PCDHA8: variants seen among roughly 807,000 people sequenced by gnomAD.
The protein encoded by PCDHA8 is protocadherin alpha 8.
In PCDHA8, 53 loss-of-function variants were observed where a neutral mutation model predicts 61.8. The observed-to-expected ratio is 0.86, with a 90% CI of 0.69 to 1.08. The LOEUF (loss-of-function observed/expected upper bound fraction) is 1.08, where lower values mean the gene tolerates loss of function less well. Ranked by LOEUF, PCDHA8 falls within the 50% of genes least tolerant of loss-of-function variation. The probability of loss-of-function intolerance (pLI) is 0.00; values close to 1 mark genes in which losing one functional copy is unlikely to be tolerated. For missense variants in PCDHA8, 1,293 were observed against 1,245.0 expected, an observed-to-expected ratio of 1.04 and a Z score of -0.58; for synonymous variants, 618 against 556.6, an observed-to-expected ratio of 1.11 and a Z score of -1.55.
intron 1 of PCDHA8, chr5:140,968,152 C>T (rs782362724): frequency 6.2e-7 from 1 of 1,614,172 alleles, no homozygotes; most frequent in South Asian, 1.1e-5. Context: ...TCTCTGACAT[C>T]AATGACAATC....
chr5:140,915,463 T>C (rs2077131577), intron 1 of PCDHA8, among the ~76,000 whole-genome samples: 1 of 152,184 alleles, frequency 6.6e-6, no homozygotes, highest in East Asian at 1.9e-4. Flanking sequence ...AGAAGGTTTT[T>C]ATTTGAAGGA....
chr5:140,990,754 G>A (rs3822343), intron 3 of PCDHA8, among the ~76,000 whole-genome samples: 7,419 of 152,246 alleles, frequency 0.049, 237 homozygotes, highest in South Asian at 0.11. Flanking sequence ...GGATACCTTT[G>A]AGCCTGTAAA....
chr5:141,007,694 C>T (rs1466885866), intron 3 of PCDHA8, among the ~76,000 whole-genome samples: 1 of 152,186 alleles, frequency 6.6e-6, no homozygotes, highest in Non-Finnish European at 1.5e-5. Context: ...CTTCCACCTC[C>T]CTCCTCTGCC....
At chr5:140,883,960 G>C in intron 1 of PCDHA8, 5 of 1,613,090 alleles carry the variant, frequency 3.1e-6, no homozygotes, top group Non-Finnish European at 4.2e-6. Flanking sequence ...ACGCTCCGGC[G>C]CTGCTGACGC....
At chr5:140,972,906 C>T (rs1554234702) in intron 1 of PCDHA8, among the ~76,000 whole-genome samples, 1 of 152,048 alleles carries the variant, frequency 6.6e-6, no homozygotes, top group African/African-American at 2.4e-5. Context: ...TTGTGATCCA[C>T]CCGCCTTGGC....
intron 1 of PCDHA8, chr5:140,848,856 G>T: frequency 1.3e-6 from 2 of 1,590,682 alleles, no homozygotes; most frequent in South Asian, 2.2e-5. Context: ...CCATGTGGAC[G>T]TGGAGGTGAA....
chr5:140,877,917 TTTC>T, intron 1 of PCDHA8: 2 of 1,427,712 alleles, frequency 1.4e-6, no homozygotes, highest in East Asian at 5.0e-5. Flanking sequence ...TTCTCTCATT[TTTC>T]TTTATGATTC....
chr5:140,867,187 G>C (rs1219646479), intron 1 of PCDHA8: 1 of 152,072 alleles, frequency 6.6e-6, no homozygotes, highest in Non-Finnish European at 1.5e-5. Context: ...TACCTCGCAA[G>C]ACTCCACATT....
At chr5:140,862,509 T>C in intron 1 of PCDHA8, 1 of 405,718 alleles carries the variant, frequency 2.5e-6, no homozygotes, top group Non-Finnish European at 5.0e-6. Context: ...GGGGACTCGC[T>C]TTCATTGTTG....
In PCDHA8 at chr5:140,907,883, G is replaced by A. The variant is rs374762446; in HGVS notation, c.2394+64168G>A. Among the ~76,000 whole-genome samples, 394 of 152,228 alleles carry A rather than the reference G, an allele frequency of 2.6e-3. 2 individuals carry two copies. Among genetic ancestry groups the A allele is most frequent in the African/African-American group, 9.2e-3 (382 of 41,542 alleles). ...CCAGCCGTTGGTGAGCACTCACATG[G>A]GATACAAATATCTTCACAGTTTTTG... On this transcript the variant is annotated intron_variant, in intron 1 of 3. Coordinates refer to ENST00000531613, the MANE Select transcript of PCDHA8 (RefSeq NM_018911.3).
chr5:140,843,854 A>G, intron 1 of PCDHA8, 139 bp downstream of exon 1: 1 of 943,502 alleles, frequency 1.1e-6, no homozygotes, highest in Non-Finnish European at 1.6e-6. Flanking sequence ...ACCTTTTATA[A>G]TTAATTGAAT....
chr5:140,853,719 C>T lies in PCDHA8; in HGVS notation c.2394+10004C>T, dbSNP rs2042844142. 3 of 988,390 alleles carry T rather than the reference C, an allele frequency of 3.0e-6. 1 individual carries two copies. Among genetic ancestry groups the T allele is most frequent in the Non-Finnish European group, 3.7e-6 (3 of 820,332 alleles). The allele number at this position is 988,390 out of a possible 1,614,324, so 61.2% of individuals were successfully genotyped here. Reference sequence around the variant, plus strand: ...GCTAACGCATTAGCATTAGCAGCACCTAAGTCCTCATTGAATGTTCTGGTT... The same window carrying T: ...GCTAACGCATTAGCATTAGCAGCACTTAAGTCCTCATTGAATGTTCTGGTT... On this transcript the variant is annotated intron_variant, in intron 1 of 3. Coordinates refer to ENST00000531613, the MANE Select transcript of PCDHA8 (RefSeq NM_018911.3).
rs1246867400 is a variant in PCDHA8, at chr5:140,885,558, AATTG to A, written c.2394+41848_2394+41851del. Among the ~76,000 whole-genome samples, 8 of 152,258 alleles carry A rather than the reference AATTG, an allele frequency of 5.3e-5. No individual in the cohort carries two copies. The South Asian group carries it at 1.0e-3, about 20-fold the overall frequency. On this transcript the variant is annotated intron_variant, in intron 1 of 3. Coordinates refer to ENST00000531613, the MANE Select transcript of PCDHA8 (RefSeq NM_018911.3). Reference sequence around the variant, plus strand: ...CAAAATATTGGTGTTATTTCTACGAAATTGATTGTCAGATGTGGAATTGATGCAT... The same window carrying A: ...CAAAATATTGGTGTTATTTCTACGAAATTGTCAGATGTGGAATTGATGCAT...
intron 1 of PCDHA8, among the ~76,000 whole-genome samples, chr5:140,978,010 T>G (rs2096785841): frequency 6.6e-6 from 1 of 152,156 alleles, no homozygotes; most frequent in African/African-American, 2.4e-5. Flanking sequence ...TTTTTCACAG[T>G]GACATTTTTG....
At chr5:140,998,769 G>A (rs1210690974) in intron 3 of PCDHA8, among the ~76,000 whole-genome samples, 1 of 152,054 alleles carries the variant, frequency 6.6e-6, no homozygotes, top group Non-Finnish European at 1.5e-5. Flanking sequence ...TCACTATGTT[G>A]GTCAGGCTGG....
At chr5:140,889,257 A>G (rs946372435) in intron 1 of PCDHA8, among the ~76,000 whole-genome samples, 1 of 151,854 alleles carries the variant, frequency 6.6e-6, no homozygotes, top group Non-Finnish European at 1.5e-5. Flanking sequence ...TTTCCTGTAA[A>G]AGTTTGTATA....
chr5:140,994,717 A>T (rs1350882833), intron 3 of PCDHA8, among the ~76,000 whole-genome samples: 4 of 152,164 alleles, frequency 2.6e-5, no homozygotes, highest in Admixed American at 6.6e-5. Context: ...AAAAAAATTT[A>T]AAATACTGGG....
At chr5:141,000,393 C>CTATAAATATA (rs1563650230) in intron 3 of PCDHA8, among the ~76,000 whole-genome samples, 1 of 52,856 alleles carries the variant, frequency 1.9e-5, no homozygotes, top group African/African-American at 9.2e-5. Flanking sequence ...CTCTCTCTCT[C>CTATAAATATA]TCTATATATA....
intron 3 of PCDHA8, among the ~76,000 whole-genome samples, chr5:141,001,514 C>A (rs2098022369): frequency 6.6e-6 from 1 of 152,210 alleles, no homozygotes; most frequent in Admixed American, 6.5e-5. Flanking sequence ...GCTTAGCTTT[C>A]TCCCTCTCTC....
Sources: allele counts gnomAD v4.1 joint callset (sites outside exome capture counted in the v4.1 genomes callset), GRCh38; gene constraint gnomAD v4.1.1; transcripts MANE v1.5; gene names NCBI Gene and HGNC (gene_info 2026-07-23, HGNC 2026-07-21).